Variants in ZNF835 observed in about 807,000 individuals in gnomAD.
The protein encoded by ZNF835 is zinc finger protein 835.
For synonymous variants in ZNF835, 323 were observed against 324.7 expected, an observed-to-expected ratio of 0.99 and a Z score of 0.06; for missense variants, 783 against 758.4, an observed-to-expected ratio of 1.03 and a Z score of -0.38.
In ZNF835 at chr19:56,663,936, G is replaced by A. The variant is rs769354647; in HGVS notation, c.1263C>T (p.Gly421=). The A allele has an allele frequency of 1.2e-6, 2 of 1,610,306 alleles. No individual in the cohort carries two copies. The highest frequency in any genetic ancestry group is 1.1e-5 in the South Asian group (1 of 90,992). ...CCTGGCTGAAAGCTTTGCCGCACTC[G>A]CCGCACTTGTAGGGCCGCTCTCCGG... ...IHTGERPYKC[G]ECGKAFSQGS... The change falls in exon 2 of 2, where the codon GGC becomes GGT. Residue 421 remains glycine, a synonymous_variant. Transcript: ENST00000537055.
At chr19:56,667,755 T>C (rs916793178) in intron 1 of ZNF835, among the ~76,000 whole-genome samples, 2 of 152,070 alleles carry the variant, frequency 1.3e-5, no homozygotes, top group Admixed American at 6.6e-5. Flanking sequence ...GAGGTGATGA[T>C]GACATGAGGC....
Position 56,664,121 on chromosome 19 carries a change from G to C in ZNF835, c.1078C>G (p.Arg360Gly). Residue 360 changes from arginine (R) to glycine (G), a missense_variant, in exon 2 of 2, where the codon CGG becomes GGG. Coordinates refer to ENST00000537055, the MANE Select transcript of ZNF835 (RefSeq NM_001005850.3). ...TQHQRTHTGE[R>G]PYPCHDCGKR... ...CCGCAGTCGTGGCAGGGGTAAGGCC[G>C]CTCTCCGGTGTGCGTGCGCTGGTGC... 2 of 1,603,906 alleles carry C rather than the reference G, an allele frequency of 1.2e-6. No individual in the cohort carries two copies. The highest frequency in any genetic ancestry group is 1.7e-6 in the Non-Finnish European group (2 of 1,174,080).
At chr19:56,668,047 G>T (rs2045261155) in intron 1 of ZNF835, among the ~76,000 whole-genome samples, 1 of 152,092 alleles carries the variant, frequency 6.6e-6, no homozygotes, top group Admixed American at 6.6e-5. Flanking sequence ...GCCCAGGCTG[G>T]AGTGCAGTGG....
At position 56,664,891 on chromosome 19, in the gene ZNF835, CCT is replaced by C; in HGVS notation, c.306_307del (p.Gly103TrpfsTer144). ...TTTCCACGGCTTCTTGGGGCCTCCA[CCT>C]CTCTCCCGCTGGCGGCTGTCAGGAT... On this transcript the variant is annotated frameshift_variant, in exon 2 of 2. Transcript: ENST00000537055. LOFTEE classifies it low-confidence loss of function (END_TRUNC). 6.2e-7 allele frequency: 1 copy of C among 1,613,942 alleles called. No individual in the cohort carries two copies. The highest frequency in any genetic ancestry group is 8.5e-7 in the Non-Finnish European group (1 of 1,179,890).
In ZNF835 at chr19:56,663,417, G is replaced by A; in HGVS notation, c.*168C>T. The stretch of plus-strand genomic sequence containing the variant: ...AATTTTGCACCAGGAAGACCGCAGG[G>A]GAGTCTGGCAGATGTGAGGTACAGT... On this transcript the variant is annotated 3_prime_UTR_variant, in exon 2 of 2. Coordinates refer to ENST00000537055, the MANE Select transcript of ZNF835 (RefSeq NM_001005850.3). The A allele has an allele frequency of 1.1e-6, 1 of 928,286 alleles. No homozygotes were observed. The highest frequency in any genetic ancestry group is 1.6e-6 in the Non-Finnish European group (1 of 627,678). The allele number at this position is 928,286 out of a possible 1,614,324, so 57.5% of individuals were successfully genotyped here.
intron 1 of ZNF835, 126 bp from the exon 2 acceptor site, chr19:56,665,371 T>C (rs1013513331): frequency 5.2e-5 from 48 of 915,142 alleles, no homozygotes; most frequent in Admixed American, 2.1e-4. Flanking sequence ...AATGACATTT[T>C]GGGTCCAATA....
intron 1 of ZNF835, among the ~76,000 whole-genome samples, chr19:56,667,958 GTTTCTTTC>G (rs551526012): frequency 3.3e-5 from 5 of 152,008 alleles, no homozygotes; most frequent in Admixed American, 2.6e-4. Flanking sequence ...AATAAATGCT[GTTTCTTTC>G]TTTCTTTCTT....
chr19:56,665,114 C>G lies in ZNF835; in HGVS notation c.85G>C (p.Glu29Gln). The change falls in exon 2 of 2, where the codon GAA becomes CAA. Residue 29 changes from glutamate to glutamine, a missense_variant. Glu to Gln is a conservative substitution (Grantham distance 29, BLOSUM62 2). Coordinates refer to ENST00000537055, the MANE Select transcript of ZNF835 (RefSeq NM_001005850.3). Reference protein sequence around the residue: ...KHEGQVEDLQENQESCPEPEA... With the variant: ...KHEGQVEDLQQNQESCPEPEA... ...GGCTCTGGACAGCTTTCCTGGTTTT[C>G]CTGCAGGTCCTCAACCTGGCCCTCG... is the stretch of plus-strand genomic sequence containing the variant. 6.2e-7 allele frequency: 1 copy of G among 1,613,806 alleles called. No homozygotes were observed. The highest frequency in any genetic ancestry group is 8.5e-7 in the Non-Finnish European group (1 of 1,179,844).
rs1029310212 is a variant in ZNF835 at position 56,664,717 on chromosome 19, G to C, written c.482C>G (p.Thr161Arg). ...GTGGCAGGCGTAGGGCTTCTCGCCC[G>C]TGTGCGTGCGCTGGTGCAGGGTCAG... ...VHLTLHQRTH[T>R]GEKPYACHEC... Residue 161 changes from threonine (T) to arginine (R), a missense_variant, in exon 2 of 2, where the codon ACG becomes AGG. Thr to Arg is a moderately conservative substitution (Grantham distance 71, BLOSUM62 -1). Coordinates refer to ENST00000537055, the MANE Select transcript of ZNF835 (RefSeq NM_001005850.3). 2 of 1,611,372 alleles carry C rather than the reference G, an allele frequency of 1.2e-6. No homozygotes were observed. Among genetic ancestry groups the C allele is most frequent in the African/African-American group, 1.3e-5 (1 of 74,928 alleles).
chr19:56,665,441 C>T, intron 1 of ZNF835, 196 bp from the exon 2 acceptor site: 4 of 738,230 alleles, frequency 5.4e-6, no homozygotes, highest in African/African-American at 1.7e-5. Context: ...TCCCTGGTCT[C>T]TCCACACTGG....
chr19:56,662,632 T>A lies in ZNF835; in HGVS notation c.*953A>T, dbSNP rs2045194461. The A allele has an allele frequency of 6.6e-6, 1 of 152,236 alleles. No individual in the cohort carries two copies. The highest frequency in any genetic ancestry group is 2.1e-4 in the South Asian group (1 of 4,834). The allele number at this position is 152,236 out of a possible 1,614,324, so 9.4% of individuals were successfully genotyped here. On this transcript the variant is annotated 3_prime_UTR_variant, in exon 2 of 2. Coordinates refer to ENST00000537055, the MANE Select transcript of ZNF835 (RefSeq NM_001005850.3). ...ATTTCTTCTTCAGACTCTGCTCCTT[T>A]AGTAAATATGCCAACTTGGCCAAAG...
At chr19:56,670,880 CAGG>C (rs1254745683) in intron 1 of ZNF835, among the ~76,000 whole-genome samples, 2 of 152,230 alleles carry the variant, frequency 1.3e-5, no homozygotes, top group East Asian at 3.9e-4. Flanking sequence ...ACCTCACATC[CAGG>C]AGAACTTTCA....
rs773254709 is a variant in ZNF835, at chr19:56,664,704, G to C, written c.495C>G (p.Pro165=). The part of the protein sequence containing the change: ...LHQRTHTGEK[P]YACHECGKAF... ...CCTTGCCGCACTCGTGGCAGGCGTA[G>C]GGCTTCTCGCCCGTGTGCGTGCGCT... The change falls in exon 2 of 2, where the codon CCC becomes CCG. Residue 165 remains proline (P), a synonymous_variant. Coordinates refer to ENST00000537055, the MANE Select transcript of ZNF835 (RefSeq NM_001005850.3). 2 of 1,609,094 alleles carry C rather than the reference G, an allele frequency of 1.2e-6. No homozygotes were observed. The highest frequency in any genetic ancestry group is 2.7e-5 in the African/African-American group (2 of 74,608).
In ZNF835 at chr19:56,665,243, G is replaced by C. The variant is rs116423890; in HGVS notation, c.-45C>G. On this transcript the variant is annotated splice_region_variant and 5_prime_UTR_variant, in exon 2 of 2. Transcript: ENST00000537055. ...GTCTTGATCTCACATCTTTTCTCTG[G>C]GTCTGAAAAGAAAAAGATAGAAAAA... 1,239 of 1,602,988 alleles carry C rather than the reference G, an allele frequency of 7.7e-4. 11 individuals carry two copies. The African/African-American group carries it at 0.015, about 19-fold the overall frequency.
At chr19:56,667,737 G>T (rs928273370) in intron 1 of ZNF835, among the ~76,000 whole-genome samples, 1 of 152,178 alleles carries the variant, frequency 6.6e-6, no homozygotes, top group East Asian at 1.9e-4. Flanking sequence ...AGGAGGTGGG[G>T]CCTCTGGGAG....
intron 1 of ZNF835, 97 bp from the exon 2 acceptor site, chr19:56,665,342 G>T: frequency 2.7e-6 from 3 of 1,108,664 alleles, no homozygotes; most frequent in Non-Finnish European, 1.4e-6. Flanking sequence ...TTAGCATGGG[G>T]TCCCTGGACC....
At chr19:56,666,635 T>A (rs2045248340) in intron 1 of ZNF835, among the ~76,000 whole-genome samples, 1 of 152,220 alleles carries the variant, frequency 6.6e-6, no homozygotes, top group Non-Finnish European at 1.5e-5. Context: ...GGAGCTAAGA[T>A]AACTGGAAAG....
At position 56,663,892 on chromosome 19, in the gene ZNF835, T is replaced by C. The variant is rs769202027; in HGVS notation, c.1307A>G (p.His436Arg). The change falls in exon 2 of 2, where the codon CAC (histidine) becomes CGC (arginine). Residue 436 changes from histidine (H) to arginine (R), a missense_variant. Physicochemically the swap from His to Arg is conservative, Grantham distance 29. Coordinates refer to ENST00000537055, the MANE Select transcript of ZNF835 (RefSeq NM_001005850.3). ...AFSQGSSLAL[H>R]QRTHTGERPY... The stretch of plus-strand genomic sequence containing the variant: ...CCGCTCGCCCGTGTGCGTGCGCTGG[T>C]GCAGGGCGAGCGAGGAGCCCTGGCT... 5 of 1,612,696 alleles carry C rather than the reference T, an allele frequency of 3.1e-6. No individual in the cohort carries two copies. Among genetic ancestry groups the C allele is most frequent in the Non-Finnish European group, 3.4e-6 (4 of 1,179,700 alleles).
In ZNF835 at chr19:56,664,653, C is replaced by A. The variant is rs758437682; in HGVS notation, c.546G>T (p.Ala182=). Residue 182 remains alanine, a synonymous_variant, in exon 2 of 2, where the codon GCG becomes GCT. Coordinates refer to ENST00000537055, the MANE Select transcript of ZNF835 (RefSeq NM_001005850.3). ...GKAFSQGSYL[A]SHWRTHTGEK... is the part of the protein sequence containing the mutation. Reference sequence around the variant, plus strand: ...CGCCCGTGTGCGTGCGCCAGTGGGACGCCAGGTACGAGCCCTGGCTGAAGG... The same window carrying A: ...CGCCCGTGTGCGTGCGCCAGTGGGAAGCCAGGTACGAGCCCTGGCTGAAGG... 6.2e-7 allele frequency: 1 copy of A among 1,605,694 alleles called. No homozygotes were observed. Among genetic ancestry groups the A allele is most frequent in the Admixed American group, 1.7e-5 (1 of 58,712 alleles).
Sources: gnomAD v4.1 joint callset for allele counts (sites outside exome capture counted in the v4.1 genomes callset) on GRCh38, gnomAD v4.1.1 for gene constraint, MANE v1.5 for transcripts, NCBI Gene and HGNC (gene_info 2026-07-23, HGNC 2026-07-21) for gene names.